The following FNBP1 variants were observed in gnomAD, a reference collection of about 807,000 sequenced individuals.
The protein encoded by FNBP1 is formin-binding protein 1.
A neutral mutation model predicts 90.6 loss-of-function variants in FNBP1; 26 were observed. The observed-to-expected ratio is 0.29, with a 90% CI of 0.21 to 0.40. FNBP1 has a LOEUF of 0.40. FNBP1 is among the 10% of genes least tolerant of loss of function. FNBP1 has a pLI of 1.00. For synonymous variants in FNBP1, 260 were observed against 265.2 expected, an observed-to-expected ratio of 0.98 and a Z score of 0.19; for missense variants, 635 against 768.0, an observed-to-expected ratio of 0.83 and a Z score of 2.05.
intron 4 of FNBP1, 34 bp downstream of exon 4, chr9:129,978,431 C>A: frequency 6.3e-7 from 1 of 1,589,020 alleles, no homozygotes; most frequent in Non-Finnish European, 8.6e-7. Flanking sequence ...TTTGGTCCAT[C>A]TTTTAGGAAG....
rs377323068 is a variant in FNBP1 at position 129,982,481 on chromosome 9, AAAAG to A, written c.141-3111_141-3108del. ...GCGAGACTCCATCTCAAAAAAAGAAAAAAGAAAGAAAGAAAAAAAGAAAGGGAAA... is the reference window on the plus strand; with the variant it reads ...GCGAGACTCCATCTCAAAAAAAGAAAAAAGAAAGAAAAAAAGAAAGGGAAA... On this transcript the variant is annotated intron_variant, in intron 2 of 16. Transcript: ENST00000446176. 1.8e-4 allele frequency among the ~76,000 whole-genome samples: 27 copies of A among 152,286 alleles called. No individual in the cohort carries two copies. The East Asian group carries it at 4.6e-3, about 26-fold the overall frequency.
chr9:129,931,323 G>T (rs2042700471), intron 6 of FNBP1, among the ~76,000 whole-genome samples: 1 of 152,146 alleles, frequency 6.6e-6, no homozygotes, highest in Non-Finnish European at 1.5e-5. Flanking sequence ...AAATAAATTG[G>T]CTGGGCGCGG....
In FNBP1 at chr9:130,031,914, G is replaced by A. The variant is rs1050215297; in HGVS notation, c.24+11038C>T. Among the ~76,000 whole-genome samples, 5 of 151,978 alleles carry A rather than the reference G, an allele frequency of 3.3e-5. No individual in the cohort carries two copies. Among genetic ancestry groups the A allele is most frequent in the African/African-American group, 9.7e-5 (4 of 41,386 alleles). ...CCTGACCTCATGATCTGCCCGACTC[G>A]GCCTTCCAAAGTGCTGGTATTACAG... On this transcript the variant is annotated intron_variant, in intron 1 of 16. Coordinates refer to ENST00000446176, the MANE Select transcript of FNBP1 (RefSeq NM_015033.3). This position sits in a 1 kb window ranked among gnomAD's most constrained non-coding sequence, Gnocchi z 4.2.
At position 129,914,767 on chromosome 9, in the gene FNBP1, A is replaced by G. The variant is rs1381668454; in HGVS notation, c.1185+1199T>C. 3.1e-3 allele frequency: 317 copies of G among 100,920 alleles called. 9 individuals carry two copies. Among genetic ancestry groups the G allele is most frequent in the Middle Eastern group, 0.01 (2 of 192 alleles). 6.3% of individuals were successfully genotyped at this position (100,920 alleles called of 1,614,324 possible). A position where few individuals can be genotyped will look rare whatever the true frequency, so the allele number is the denominator to read the frequency against. ...TATACATACATATGTCTATATATAT[A>G]TATATATATATATATATATATATAT... is the stretch of plus-strand genomic sequence containing the variant. On this transcript the variant is annotated intron_variant, in intron 11 of 16. Coordinates refer to ENST00000446176, the MANE Select transcript of FNBP1 (RefSeq NM_015033.3).
chr9:129,992,041 T>C (rs1357935004), intron 2 of FNBP1, among the ~76,000 whole-genome samples: 1 of 152,132 alleles, frequency 6.6e-6, no homozygotes, highest in Non-Finnish European at 1.5e-5. Context: ...GAGATCCATA[T>C]CTGTGAGTCA....
chr9:129,939,527 T>TA (rs1484357907), intron 6 of FNBP1, among the ~76,000 whole-genome samples: 7 of 152,154 alleles, frequency 4.6e-5, no homozygotes, highest in African/African-American at 1.7e-4. Flanking sequence ...GGGAAATAAT[T>TA]AGAGAAACTT....
rs7865287 is a variant in FNBP1 at position 129,957,853 on chromosome 9, C to G, written c.409-389G>C. Among the ~76,000 whole-genome samples, 114,189 of 152,156 alleles carry G rather than the reference C, an allele frequency of 0.75. 43,592 individuals carry two copies. Among genetic ancestry groups the G allele is most frequent in the East Asian group, 0.9 (4,659 of 5,178 alleles). The stretch of plus-strand genomic sequence containing the variant: ...CAGGCGTGAGCCAATGTGTCTGGCC[C>G]AAGAATACTCTTCTCTGAATTGATT... On this transcript the variant is annotated intron_variant, in intron 5 of 16. Transcript: ENST00000446176. This position sits in a 1 kb window ranked among gnomAD's most constrained non-coding sequence, Gnocchi z 4.3.
Position 129,986,650 on chromosome 9 carries a change from C to T in FNBP1, c.141-7276G>A, listed in dbSNP as rs113920595. Among the ~76,000 whole-genome samples, 268 of 151,604 alleles carry T rather than the reference C, an allele frequency of 1.8e-3. 3 individuals are homozygous for T. The highest frequency in any genetic ancestry group is 6.3e-3 in the African/African-American group (258 of 41,256). Reference sequence around the variant, plus strand: ...ATTAAAAGTGTAAAAATCAGCTGGGCGTGGTGGCGGGCGCCTGTAGTCCCA... The same window carrying T: ...ATTAAAAGTGTAAAAATCAGCTGGGTGTGGTGGCGGGCGCCTGTAGTCCCA... On this transcript the variant is annotated intron_variant, in intron 2 of 16. Coordinates refer to ENST00000446176, the MANE Select transcript of FNBP1 (RefSeq NM_015033.3).
chr9:129,962,851 A>C (rs1176838561), intron 4 of FNBP1, among the ~76,000 whole-genome samples: 1 of 152,184 alleles, frequency 6.6e-6, no homozygotes, highest in Admixed American at 6.5e-5. Context: ...GAACGTATAG[A>C]AAATACAAGC....
At chr9:129,909,619 CTA>C (rs1157960667) in intron 11 of FNBP1, among the ~76,000 whole-genome samples, 1 of 151,868 alleles carries the variant, frequency 6.6e-6, no homozygotes, top group African/African-American at 2.4e-5. Flanking sequence ...CTCTAAAAGT[CTA>C]GTTACTTTTT....
chr9:129,908,257 G>A (rs890208901), intron 12 of FNBP1, among the ~76,000 whole-genome samples: 4 of 147,944 alleles, frequency 2.7e-5, no homozygotes, highest in African/African-American at 1.0e-4. Context: ...AGGCTGGAGT[G>A]CAGTGGCATG....
rs891090197 is a variant in FNBP1, at chr9:129,919,188, T to A, written c.1171-3208A>T. 3.8e-6 allele frequency: 5 copies of A among 1,303,120 alleles called. No homozygotes were observed. The African/African-American group carries it at 7.5e-5, about 20-fold the overall frequency. The allele number at this position is 1,303,120 out of a possible 1,614,324, so 80.7% of individuals were successfully genotyped here. A position where few individuals can be genotyped will look rare whatever the true frequency, so the allele number is the denominator to read the frequency against. On this transcript the variant is annotated intron_variant, in intron 10 of 16. Transcript: ENST00000446176. ...TAGTCCCTAGCCTCAAAGGCATACGTGGGTTTCCCTATCGTCCTCTTCATG... is the reference window on the plus strand; with the variant it reads ...TAGTCCCTAGCCTCAAAGGCATACGAGGGTTTCCCTATCGTCCTCTTCATG...
chr9:129,949,483 A>G (rs918319006), intron 6 of FNBP1, among the ~76,000 whole-genome samples: 1 of 152,172 alleles, frequency 6.6e-6, no homozygotes, highest in Non-Finnish European at 1.5e-5. Flanking sequence ...GGGAACTACT[A>G]AACATCTGGT....
chr9:129,915,151 G>A (rs1004291614), intron 11 of FNBP1, among the ~76,000 whole-genome samples: 7 of 151,862 alleles, frequency 4.6e-5, no homozygotes, highest in African/African-American at 1.2e-4. Context: ...ACATATCTAC[G>A]TCGCACCATA....
At chr9:129,951,329 A>G (rs998531713) in intron 6 of FNBP1, among the ~76,000 whole-genome samples, 11 of 151,994 alleles carry the variant, frequency 7.2e-5, no homozygotes, top group Admixed American at 7.2e-4. Flanking sequence ...CCTAGCCTCC[A>G]GCACTCTTCC....
intron 16 of FNBP1, chr9:129,895,465 C>G (rs1164911930): frequency 1.1e-5 from 13 of 1,136,470 alleles, no homozygotes; most frequent in Non-Finnish European, 1.2e-5. Flanking sequence ...GTCTTTGGCA[C>G]CTGCATGATG....
chr9:129,984,753 G>A (rs1434203446), intron 2 of FNBP1, among the ~76,000 whole-genome samples: 3 of 152,180 alleles, frequency 2.0e-5, no homozygotes, highest in Non-Finnish European at 2.9e-5. Context: ...GGTCTTTCCC[G>A]TGCTATTCTC....
chr9:129,926,901 A>AT (rs2042007365), intron 8 of FNBP1, among the ~76,000 whole-genome samples: 1 of 151,498 alleles, frequency 6.6e-6, no homozygotes, highest in Non-Finnish European at 1.5e-5. Flanking sequence ...GAAAAAAAAA[A>AT]AAAGAAAAAG....
At chr9:130,043,306 C>T (rs1564647405), upstream of FNBP1, 1 of 203,562 alleles carries the variant, frequency 4.9e-6, no homozygotes, top group Non-Finnish European at 9.7e-6. Flanking sequence ...GGCCCGGCCC[C>T]CTCCCCCGGG....
Sources: gnomAD v4.1 joint callset for allele counts (sites outside exome capture counted in the v4.1 genomes callset) on GRCh38, gnomAD v4.1.1 for gene constraint, Gnocchi (gnomAD v3.1) non-coding constraint, MANE v1.5 for transcripts, NCBI Gene and HGNC (gene_info 2026-07-23, HGNC 2026-07-21) for gene names.